Variants in AP1AR observed in about 807,000 individuals in gnomAD.
AP1AR encodes adaptor related protein complex 1 associated regulatory protein, also known as AP-1 complex-associated regulatory protein.
In AP1AR, 29 loss-of-function variants were observed where a neutral mutation model predicts 46.3. The observed-to-expected ratio is 0.63, with a 90% CI of 0.47 to 0.85. The LOEUF (loss-of-function observed/expected upper bound fraction) is 0.85, where lower values mean the gene tolerates loss of function less well. AP1AR is among the 40% of genes least tolerant of loss of function. AP1AR has a pLI of 0.00. For missense variants in AP1AR, 357 were observed against 356.3 expected (o/e 1.00, Z -0.02); for synonymous variants, 122 against 122.9 (o/e 0.99, Z 0.05).
chr4:112,245,035 T>C (rs902059337), intron 1 of AP1AR, among the ~76,000 whole-genome samples: 1 of 152,168 alleles, frequency 6.6e-6, no homozygotes. Context: ...GACCTACTTA[T>C]AGGCTAACAA....
At chr4:112,255,202 G>A (rs927049113) in intron 3 of AP1AR, among the ~76,000 whole-genome samples, 22 of 152,060 alleles carry the variant, frequency 1.4e-4, no homozygotes, top group Non-Finnish European at 2.8e-4. Flanking sequence ...CTCGTGATCC[G>A]CCAGCCTCGG....
intron 4 of AP1AR, 24 bp downstream of exon 4, chr4:112,257,821 A>AG: frequency 2.6e-6 from 4 of 1,544,618 alleles, no homozygotes; most frequent in Non-Finnish European, 1.7e-6. Flanking sequence ...AAAAAAAAAA[A>AG]ACAAAACTTC....
At chr4:112,247,440 C>A (rs1313630289) in intron 1 of AP1AR, among the ~76,000 whole-genome samples, 1 of 152,200 alleles carries the variant, frequency 6.6e-6, no homozygotes, top group Non-Finnish European at 1.5e-5. Context: ...CTCACCCAGA[C>A]TCTTTGTATG....
rs1232853585 is a variant in AP1AR, at chr4:112,269,720, C to T, written c.*1311C>T. On this transcript the variant is annotated 3_prime_UTR_variant, in exon 10 of 10. Coordinates refer to ENST00000274000, the MANE Select transcript of AP1AR (RefSeq NM_018569.6). ...TATTTGAACTGCTAAGCAATGACAT[C>T]TGTAGTTTTATCTCCTTTTTTATGT... 2 of 151,712 alleles carry T rather than the reference C, an allele frequency of 1.3e-5. No homozygotes were observed. The highest frequency in any genetic ancestry group is 2.9e-5 in the Non-Finnish European group (2 of 67,812). 9.4% of individuals were successfully genotyped at this position (151,712 alleles called of 1,614,324 possible).
chr4:112,236,414 C>A (rs35718105), intron 1 of AP1AR, among the ~76,000 whole-genome samples: 1 of 145,318 alleles, frequency 6.9e-6, no homozygotes, highest in Non-Finnish European at 1.5e-5. Context: ...TTTTTTTTTT[C>A]CCCCAAAAAG....
chr4:112,256,075 A>G (rs1242874743), intron 3 of AP1AR, among the ~76,000 whole-genome samples: 1 of 151,552 alleles, frequency 6.6e-6, no homozygotes, highest in African/African-American at 2.4e-5. Flanking sequence ...CAGAGTATGT[A>G]TAGAATACTA....
intron 3 of AP1AR, among the ~76,000 whole-genome samples, chr4:112,257,515 A>C (rs1195893342): frequency 6.6e-6 from 1 of 152,220 alleles, no homozygotes; most frequent in Non-Finnish European, 1.5e-5. Flanking sequence ...AAAAAAAATT[A>C]AGAAATGTCC....
rs75685364 is a variant in AP1AR, at chr4:112,235,558, A to G, written c.83+3384A>G. Among the ~76,000 whole-genome samples, 1,023 of 152,240 alleles carry G rather than the reference A, an allele frequency of 6.7e-3. 7 individuals carry two copies. Among genetic ancestry groups the G allele is most frequent in the African/African-American group, 0.023 (959 of 41,540 alleles). On this transcript the variant is annotated intron_variant, in intron 1 of 9. Coordinates refer to ENST00000274000, the MANE Select transcript of AP1AR (RefSeq NM_018569.6). Reference sequence around the variant, plus strand: ...CTTCCTATGTGCCAGGCACTGTTCTAAGTACTTTATATTATCTCACTTATT... The same window carrying G: ...CTTCCTATGTGCCAGGCACTGTTCTGAGTACTTTATATTATCTCACTTATT...
At chr4:112,255,316 G>A (rs757580611) in intron 3 of AP1AR, among the ~76,000 whole-genome samples, 24 of 152,066 alleles carry the variant, frequency 1.6e-4, no homozygotes, top group Admixed American at 2.0e-4. Flanking sequence ...GATTTAAAGC[G>A]TTATACAGAA....
chr4:112,255,623 GTTTA>G (rs1042443454), intron 3 of AP1AR, among the ~76,000 whole-genome samples: 1 of 152,064 alleles, frequency 6.6e-6, no homozygotes. Flanking sequence ...TTTTCTACAT[GTTTA>G]TTCTACAGTT....
chr4:112,236,021 C>T (rs1725224443), intron 1 of AP1AR, among the ~76,000 whole-genome samples: 1 of 151,582 alleles, frequency 6.6e-6, no homozygotes, highest in Admixed American at 6.6e-5. Context: ...TGTGTATTAC[C>T]TGCCCCTGAA....
intron 1 of AP1AR, among the ~76,000 whole-genome samples, chr4:112,233,959 C>T (rs1725135827): frequency 1.3e-5 from 2 of 152,152 alleles, no homozygotes; most frequent in African/African-American, 2.4e-5. Context: ...CCCGGGTTCA[C>T]GCCATTCTCC....
At position 112,265,799 on chromosome 4, in the gene AP1AR, G is replaced by A. The variant is rs746050291; in HGVS notation, c.506G>A (p.Arg169Gln). 10 of 1,604,878 alleles carry A rather than the reference G, an allele frequency of 6.2e-6. No individual in the cohort carries two copies. The highest frequency in any genetic ancestry group is 6.8e-6 in the Non-Finnish European group (8 of 1,173,906). Residue 169 changes from arginine (R) to glutamine (Q), a missense_variant, in exon 8 of 10, where the codon CGA becomes CAA. Coordinates refer to ENST00000274000, the MANE Select transcript of AP1AR (RefSeq NM_018569.6). ...RNMKSQYEVFRSSRLSSDATV... is the reference protein window; with the variant it reads ...RNMKSQYEVFQSSRLSSDATV... ...ATGAAGTCACAGTATGAAGTTTTTCGAAGTAGTAGTAAGTTTTTTAAAGTA... is the reference window on the plus strand; with the variant it reads ...ATGAAGTCACAGTATGAAGTTTTTCAAAGTAGTAGTAAGTTTTTTAAAGTA...
intron 1 of AP1AR, among the ~76,000 whole-genome samples, chr4:112,250,685 C>A (rs930271050): frequency 6.6e-6 from 1 of 152,090 alleles, no homozygotes; most frequent in African/African-American, 2.4e-5. Flanking sequence ...TTTGCCAAAT[C>A]GAGTATTTAC....
At chr4:112,234,012 C>T (rs1305996515) in intron 1 of AP1AR, among the ~76,000 whole-genome samples, 1 of 152,222 alleles carries the variant, frequency 6.6e-6, no homozygotes, top group African/African-American at 2.4e-5. Context: ...GCGCCCGCCA[C>T]CATGCCCGGC....
At chr4:112,258,089 T>G (rs1018710227) in intron 4 of AP1AR, among the ~76,000 whole-genome samples, 23 of 152,282 alleles carry the variant, frequency 1.5e-4, no homozygotes, top group African/African-American at 3.8e-4. Context: ...TCTTTTAAAT[T>G]TTTTAACTTT....
intron 5 of AP1AR, among the ~76,000 whole-genome samples, chr4:112,261,112 G>A (rs755525411): frequency 2.0e-5 from 3 of 152,104 alleles, no homozygotes; most frequent in Admixed American, 6.5e-5. Flanking sequence ...TCACAAAGTA[G>A]GAACTCTGGC....
In AP1AR at chr4:112,240,810, T is replaced by G. The variant is rs191719241; in HGVS notation, c.83+8636T>G. ...ATTATAAGCCTTTTGGATACATGGG[T>G]TTAAAATATTTCAAATGTATAGCTA... On this transcript the variant is annotated intron_variant, in intron 1 of 9. Coordinates refer to ENST00000274000, the MANE Select transcript of AP1AR (RefSeq NM_018569.6). Among the ~76,000 whole-genome samples the G allele has an allele frequency of 6.0e-3, 919 of 152,284 alleles. 5 individuals are homozygous for G. Among genetic ancestry groups the G allele is most frequent in the Non-Finnish European group, 1.0e-2 (678 of 68,012 alleles).
Position 112,272,044 on chromosome 4 carries a change from G to A in AP1AR, c.*3635G>A, listed in dbSNP as rs532215339. The stretch of plus-strand genomic sequence containing the variant: ...TAGCAAATGCTTTGAAAAGAGGTCC[G>A]CTGCTTTAGTTGCATTTGGAGACAG... On this transcript the variant is annotated 3_prime_UTR_variant, in exon 10 of 10. Coordinates refer to ENST00000274000, the MANE Select transcript of AP1AR (RefSeq NM_018569.6). Among the ~76,000 whole-genome samples, 17 of 152,256 alleles carry A rather than the reference G, an allele frequency of 1.1e-4. No individual in the cohort carries two copies. Among genetic ancestry groups the A allele is most frequent in the African/African-American group, 2.6e-4 (11 of 41,542 alleles).
Sources: allele counts gnomAD v4.1 joint callset (sites outside exome capture counted in the v4.1 genomes callset), GRCh38; gene constraint gnomAD v4.1.1; transcripts MANE v1.5; gene names NCBI Gene and HGNC (gene_info 2026-07-23, HGNC 2026-07-21).